Variants in RAB33A observed in about 807,000 individuals in gnomAD.
RAB33A encodes RAB33A, member RAS oncogene family.
RAB33A carries 6 observed loss-of-function variants against 12.0 expected under a neutral mutation model. The ratio of observed to expected loss-of-function variants is 0.50; its 90% CI spans 0.27 to 0.99. The LOEUF (loss-of-function observed/expected upper bound fraction) is 0.99, where lower values mean the gene tolerates loss of function less well. RAB33A is among the 50% of genes least tolerant of loss of function. The pLI is 0.11. For synonymous variants in RAB33A, 70 were observed against 82.4 expected (o/e 0.85, Z 0.81); for missense variants, 109 against 192.0 (o/e 0.57, Z 2.55).
chrX:130,154,513 A>T, the RAB33A span, among the ~76,000 whole-genome samples: 2 of 112,649 alleles, frequency 1.8e-5, no homozygotes, highest in South Asian at 7.2e-4. Context: ...CATTACAGAA[A>T]GCAATCTACA....
At chrX:130,136,882 CATTTT>C in the RAB33A span, 1 of 1,019,980 alleles carries the variant, frequency 9.8e-7, no homozygotes, top group Non-Finnish European at 1.3e-6. Context: ...ACCCATGGTT[CATTTT>C]CAGCACTTCC....
At chrX:130,147,422 G>A in the RAB33A span, 1 of 1,189,477 alleles carries the variant, frequency 8.4e-7, no homozygotes, top group Non-Finnish European at 1.1e-6. Flanking sequence ...TACACAGTCA[G>A]TGGCAAAATC....
intron 1 of RAB33A, among the ~76,000 whole-genome samples, chrX:130,179,594 C>T (rs889184967): frequency 1.8e-5 from 2 of 108,666 alleles, no homozygotes; most frequent in Non-Finnish European, 3.8e-5. Context: ...TCTTCCTGTT[C>T]GGAACACCAC....
chrX:130,138,768 T>G, the RAB33A span: 16 of 756,850 alleles, frequency 2.1e-5, no homozygotes, highest in Non-Finnish European at 3.3e-5. Flanking sequence ...TACTAGAAAG[T>G]AGTTTCTTCT....
the RAB33A span, among the ~76,000 whole-genome samples, chrX:130,113,892 C>T: frequency 8.9e-6 from 1 of 112,038 alleles, no homozygotes; most frequent in East Asian, 2.8e-4. Context: ...ACAATATGAA[C>T]CTACCTCCCA....
chrX:130,131,614 C>T, the RAB33A span: 10 of 1,196,019 alleles, frequency 8.4e-6, no homozygotes, highest in Non-Finnish European at 1.1e-5. Flanking sequence ...ACCCCTTGTT[C>T]AGGAGAATCT....
the RAB33A span, among the ~76,000 whole-genome samples, chrX:130,151,379 T>TCCAC: frequency 9.0e-6 from 1 of 111,168 alleles, no homozygotes; most frequent in South Asian, 3.8e-4. Context: ...GACCTTGTGA[T>TCCAC]CCACCCACCT....
the RAB33A span, among the ~76,000 whole-genome samples, chrX:130,154,000 C>T: frequency 8.9e-6 from 1 of 112,245 alleles, no homozygotes; most frequent in African/African-American, 3.2e-5. Flanking sequence ...AGACTAATAC[C>T]AATTTCGGAC....
At chrX:130,119,174 C>T in the RAB33A span, among the ~76,000 whole-genome samples, 2 of 110,703 alleles carry the variant, frequency 1.8e-5, no homozygotes, top group East Asian at 2.8e-4. Flanking sequence ...AGCTCAAAGG[C>T]ACCAGACCCT....
the RAB33A span, among the ~76,000 whole-genome samples, chrX:130,111,280 G>A: frequency 8.9e-6 from 1 of 112,044 alleles, no homozygotes; most frequent in African/African-American, 3.2e-5. Flanking sequence ...CGCCCTTCCC[G>A]GTGCGAAGCC....
the RAB33A span, chrX:130,145,652 A>G: frequency 1.3e-6 from 1 of 782,342 alleles, no homozygotes; most frequent in South Asian, 2.2e-5. Flanking sequence ...AACTGTTTCC[A>G]TTATCAGAAA....
Position 130,178,943 on chromosome X carries a change from C to T in RAB33A, c.259-5342C>T, listed in dbSNP as rs749390242. 3.0e-3 allele frequency among the ~76,000 whole-genome samples: 319 copies of T among 105,605 alleles called. 1 individual carries two copies. Among genetic ancestry groups the T allele is most frequent in the African/African-American group, 0.01 (301 of 29,192 alleles). The allele number at this position is 105,605 out of a possible 115,157, so 91.7% of individuals were successfully genotyped here. A position where few individuals can be genotyped will look rare whatever the true frequency, so the allele number is the denominator to read the frequency against. On this transcript the variant is annotated intron_variant, in intron 1 of 1. Coordinates refer to ENST00000257017, the MANE Select transcript of RAB33A (RefSeq NM_004794.3). Reference sequence around the variant, plus strand: ...CTGGGATTACAGGCGTGAGCCACCGCGCCCGGCGATTTTTTTTTTTTTTTT... The same window carrying T: ...CTGGGATTACAGGCGTGAGCCACCGTGCCCGGCGATTTTTTTTTTTTTTTT...
chrX:130,128,527 G>A, the RAB33A span, among the ~76,000 whole-genome samples: 3 of 111,629 alleles, frequency 2.7e-5, no homozygotes, highest in South Asian at 3.8e-4. Context: ...AGCCTAGGTC[G>A]CACCATTGCA....
the RAB33A span, among the ~76,000 whole-genome samples, chrX:130,112,927 C>A: frequency 1.7e-4 from 19 of 108,994 alleles, no homozygotes; most frequent in African/African-American, 6.3e-4. Context: ...TTTATGGGTA[C>A]ATTGTAGGTG....
upstream of RAB33A, among the ~76,000 whole-genome samples, chrX:130,169,637 A>AC (rs1431857860): frequency 8.9e-6 from 1 of 112,460 alleles, no homozygotes; most frequent in Non-Finnish European, 1.9e-5. Context: ...GAAGTAACAG[A>AC]CACCTTTTAT....
the RAB33A span, among the ~76,000 whole-genome samples, chrX:130,140,846 G>C: frequency 8.9e-6 from 1 of 112,614 alleles, no homozygotes; most frequent in African/African-American, 3.2e-5. Context: ...GACAGGCACA[G>C]TGACTCATGC....
At chrX:130,161,530 A>C in the RAB33A span, among the ~76,000 whole-genome samples, 291 of 108,577 alleles carry the variant, frequency 2.7e-3, no homozygotes, top group Non-Finnish European at 4.3e-3. Context: ...AAAAAAAAAA[A>C]AACACAGGAC....
the RAB33A span, among the ~76,000 whole-genome samples, chrX:130,120,122 G>A: frequency 1.8e-5 from 2 of 112,272 alleles, no homozygotes; most frequent in Non-Finnish European, 1.9e-5. Flanking sequence ...ATGGCTTCTA[G>A]AGCTCAGGGC....
chrX:130,121,822 G>A, the RAB33A span, among the ~76,000 whole-genome samples: 1 of 112,510 alleles, frequency 8.9e-6, no homozygotes, highest in Non-Finnish European at 1.9e-5. Context: ...AGGGGTCTGG[G>A]GATCCCCTTC....
Sources: gnomAD v4.1 joint callset for allele counts (sites outside exome capture counted in the v4.1 genomes callset) on GRCh38, gnomAD v4.1.1 for gene constraint, MANE v1.5 for transcripts, NCBI Gene and HGNC (gene_info 2026-07-23, HGNC 2026-07-21) for gene names.